The following CKAP2L variants were observed in gnomAD, a reference collection of about 807,000 sequenced individuals.
CKAP2L encodes the protein cytoskeleton-associated protein 2-like.
A neutral mutation model predicts 65.7 loss-of-function variants in CKAP2L; 42 were observed. That is an observed-to-expected ratio of 0.64 (90% CI 0.50 to 0.83). CKAP2L has a LOEUF of 0.83. Among genes scored for constraint, CKAP2L ranks in the 40% least tolerant of loss-of-function variants. The pLI is 0.00. For missense variants in CKAP2L, 908 were observed against 871.0 expected (o/e 1.04, Z -0.53); for synonymous variants, 325 against 313.5 (o/e 1.04, Z -0.39).
rs17042341 is a variant in CKAP2L, at chr2:112,756,582, T to A, written c.789A>T (p.Arg263Ser). ...TFPVKSQQLS[R>S]GADLARPGVK... ...CTCCTGGTCTTGCAAGATCTGCTCCTCTAGAGAGTTGCTGTGATTTTACTG... is the reference window on the plus strand; with the variant it reads ...CTCCTGGTCTTGCAAGATCTGCTCCACTAGAGAGTTGCTGTGATTTTACTG... Residue 263 changes from arginine to serine, a missense_variant, in exon 4 of 9, where the codon AGA becomes AGT. Arg to Ser is a moderately radical substitution (Grantham distance 110, BLOSUM62 -1). Transcript: ENST00000302450. 0.052 allele frequency: 84,074 copies of A among 1,612,376 alleles called. 3,037 individuals are homozygous for A. Among genetic ancestry groups the A allele is most frequent in the African/African-American group, 0.18 (13,542 of 74,788 alleles).
In CKAP2L at chr2:112,762,586, C is replaced by G. The variant is rs565495978; in HGVS notation, c.38-17G>C. 5 of 1,602,636 alleles carry G rather than the reference C, an allele frequency of 3.1e-6. No homozygotes were observed. The South Asian group carries it at 3.3e-5, about 11-fold the overall frequency. On this transcript the variant is annotated splice_polypyrimidine_tract_variant and intron_variant, in intron 1 of 8. Transcript: ENST00000302450. ...GCCGCTCTTCTGCAACACAGGCAAGCAAACAAACGACATAACTTTAGTTCA... is the reference window on the plus strand; with the variant it reads ...GCCGCTCTTCTGCAACACAGGCAAGGAAACAAACGACATAACTTTAGTTCA...
In CKAP2L at chr2:112,756,244, CT is replaced by C; in HGVS notation, c.1126del (p.Ser376AlafsTer6). 1 of 1,614,170 alleles carries C rather than the reference CT, an allele frequency of 6.2e-7. No individual in the cohort carries two copies. The highest frequency in any genetic ancestry group is 1.3e-5 in the African/African-American group (1 of 75,050). On this transcript the variant is annotated frameshift_variant, in exon 4 of 9. Coordinates refer to ENST00000302450, the MANE Select transcript of CKAP2L (RefSeq NM_152515.5). LOFTEE classifies it high-confidence loss of function. ...GCCAACTGTCAAATTAGGCCTCTGG[CT>C]TATGGCTTTTGACTTTTGCAGTACA... ...SCVLQKSKAI[S>X]QRPNLTVGRF...
chr2:112,744,536 T>C (rs1680139002), intron 6 of CKAP2L, among the ~76,000 whole-genome samples: 2 of 152,194 alleles, frequency 1.3e-5, no homozygotes, highest in South Asian at 4.1e-4. Flanking sequence ...AAACTGGGAA[T>C]GTATTCTGCA....
chr2:112,763,067 TA>T (rs1680778048), intron 1 of CKAP2L, among the ~76,000 whole-genome samples: 1 of 150,848 alleles, frequency 6.6e-6, no homozygotes, highest in African/African-American at 2.5e-5. Context: ...ATTACAGGCG[TA>T]AGTCAAAGCA....
rs757551001 is a variant in CKAP2L at position 112,756,411 on chromosome 2, T to C, written c.960A>G (p.Ser320=). Residue 320 remains serine, a synonymous_variant, in exon 4 of 9, where the codon TCA becomes TCG. Transcript: ENST00000302450. ...TCACTCTCTGTTCAGTAACAGGGTA[T>C]GACCGTATCTTAGTTTCATTTGGTC... The part of the protein sequence containing the change: ...YERPNETKIR[S]YPVTEQRVKH... The C allele has an allele frequency of 4.6e-5, 75 of 1,614,002 alleles. No homozygotes were observed. The South Asian group carries it at 7.0e-4, about 15-fold the overall frequency.
In CKAP2L at chr2:112,757,096, T is replaced by C; in HGVS notation, c.275A>G (p.Lys92Arg). The C allele has an allele frequency of 6.2e-7, 1 of 1,614,176 alleles. No individual in the cohort carries two copies. The highest frequency in any genetic ancestry group is 8.5e-7 in the Non-Finnish European group (1 of 1,180,028). Reference protein sequence around the residue: ...PPNTAGSQKPKLEPPKLLGKR... With the variant: ...PPNTAGSQKPRLEPPKLLGKR... ...GCCCAGAAGTTTTGGTGGCTCCAAC[T>C]TCGGCTTCTGGGACCCTGCAGTATT... The change falls in exon 4 of 9, where the codon AAG (lysine) becomes AGG (arginine). Residue 92 changes from lysine (K) to arginine (R), a missense_variant. By Grantham distance (26) the Lys-to-Arg change is conservative (BLOSUM62 2). Coordinates refer to ENST00000302450, the MANE Select transcript of CKAP2L (RefSeq NM_152515.5).
intron 5 of CKAP2L, among the ~76,000 whole-genome samples, chr2:112,746,872 C>T (rs1680218065): frequency 6.6e-6 from 1 of 151,936 alleles, no homozygotes. Context: ...ACTGCAACCT[C>T]CACCTCCCAG....
At position 112,760,768 on chromosome 2, in the gene CKAP2L, T is replaced by A. The variant is rs1474729331; in HGVS notation, c.105-4A>T. ...ATTCTTGGATTTTAGATAAGGCCTA[T>A]AAAAGACAAATTAAAATTAATCCTC... is the stretch of plus-strand genomic sequence containing the variant. On this transcript the variant is annotated splice_region_variant and splice_polypyrimidine_tract_variant and intron_variant, in intron 2 of 8. Coordinates refer to ENST00000302450, the MANE Select transcript of CKAP2L (RefSeq NM_152515.5). The A allele has an allele frequency of 6.8e-7, 1 of 1,461,180 alleles. No homozygotes were observed. 90.5% of individuals were successfully genotyped at this position (1,461,180 alleles called of 1,614,324 possible).
chr2:112,757,100 G>C lies in CKAP2L; in HGVS notation c.271C>G (p.Pro91Ala). 2 of 1,614,150 alleles carry C rather than the reference G, an allele frequency of 1.2e-6. No homozygotes were observed. Among genetic ancestry groups the C allele is most frequent in the Non-Finnish European group, 1.7e-6 (2 of 1,180,022 alleles). ...AGAAGTTTTGGTGGCTCCAACTTCGGCTTCTGGGACCCTGCAGTATTAGGT... is the reference window on the plus strand; with the variant it reads ...AGAAGTTTTGGTGGCTCCAACTTCGCCTTCTGGGACCCTGCAGTATTAGGT... Reference protein sequence around the residue: ...RPPNTAGSQKPKLEPPKLLGK... With the variant: ...RPPNTAGSQKAKLEPPKLLGK... Residue 91 changes from proline to alanine, a missense_variant, in exon 4 of 9, where the codon CCG becomes GCG. Transcript: ENST00000302450.
chr2:112,758,985 A>C (rs960313139), intron 3 of CKAP2L, among the ~76,000 whole-genome samples: 9 of 152,224 alleles, frequency 5.9e-5, no homozygotes, highest in African/African-American at 2.2e-4. Flanking sequence ...TGTGTCATAT[A>C]AATGGAATCA....
At chr2:112,758,573 G>A (rs1008204430) in intron 3 of CKAP2L, among the ~76,000 whole-genome samples, 4 of 152,040 alleles carry the variant, frequency 2.6e-5, no homozygotes, top group African/African-American at 9.7e-5. Context: ...AGAGATGGAT[G>A]GTATACCCAC....
chr2:112,762,893 C>G (rs1204077421), intron 1 of CKAP2L, among the ~76,000 whole-genome samples: 1 of 151,896 alleles, frequency 6.6e-6, no homozygotes, highest in Non-Finnish European at 1.5e-5. Context: ...TAGCAATCCT[C>G]ACACCTCAGT....
At chr2:112,752,218 A>T (rs1680390702) in intron 5 of CKAP2L, 49 bp downstream of exon 5, 1 of 1,379,958 alleles carries the variant, frequency 7.2e-7, no homozygotes, top group Non-Finnish European at 1.0e-6. Context: ...ATGTTTAAAA[A>T]TTATAAGACT....
chr2:112,742,189 A>G (rs766356313), intron 7 of CKAP2L, among the ~76,000 whole-genome samples: 3 of 152,190 alleles, frequency 2.0e-5, no homozygotes, highest in Non-Finnish European at 2.9e-5. Flanking sequence ...TTCCATTCAT[A>G]TAACAAGTAT....
chr2:112,742,301 G>C, intron 7 of CKAP2L: 1 of 697,916 alleles, frequency 1.4e-6, no homozygotes, highest in Non-Finnish European at 2.7e-6. Context: ...TCCAATTGAA[G>C]AGATTCCTGA....
In CKAP2L at chr2:112,740,935, G is replaced by A; in HGVS notation, c.1895C>T (p.Ser632Phe). ...TTTTGGAGAAAGACAAGACTTCACA[G>A]ATTCCATCTTCTTGGCCAGCTCTTC... ...SVEELAKKME[S>F]VKSCLSPKER... is the part of the protein sequence containing the mutation. Residue 632 changes from serine to phenylalanine, a missense_variant, in exon 8 of 9, where the codon TCT becomes TTT. Ser to Phe is a radical substitution (Grantham distance 155). Transcript: ENST00000302450. The A allele has an allele frequency of 6.2e-7, 1 of 1,613,908 alleles. No individual in the cohort carries two copies. Among genetic ancestry groups the A allele is most frequent in the Middle Eastern group, 1.6e-4 (1 of 6,062 alleles).
At chr2:112,751,688 G>A (rs1680377174) in intron 5 of CKAP2L, among the ~76,000 whole-genome samples, 1 of 152,182 alleles carries the variant, frequency 6.6e-6, no homozygotes, top group African/African-American at 2.4e-5. Flanking sequence ...GACTGAATGA[G>A]TTTTGCTCTA....
rs779233001 is a variant in CKAP2L, at chr2:112,756,688, C to T, written c.683G>A (p.Gly228Asp). Residue 228 changes from glycine (G) to aspartate (D), a missense_variant, in exon 4 of 9, where the codon GGC (glycine) becomes GAC (aspartate). Physicochemically the swap from Gly to Asp is moderately conservative, Grantham distance 94 (BLOSUM62 -1). Transcript: ENST00000302450. ...KNSLVPKQAL[G>D]KSSVNSAVLK... ...AACAGCACTATTAACTGAACTTTTG[C>T]CCAAGGCTTGTTTAGGAACTAAACT... 1 of 1,592,914 alleles carries T rather than the reference C, an allele frequency of 6.3e-7. No individual in the cohort carries two copies. Among genetic ancestry groups the T allele is most frequent in the Non-Finnish European group, 8.5e-7 (1 of 1,172,502 alleles).
intron 6 of CKAP2L, 148 bp downstream of exon 6, chr2:112,746,272 A>T (rs1393829431): frequency 1.1e-5 from 6 of 528,814 alleles, no homozygotes; most frequent in Non-Finnish European, 1.9e-5. Flanking sequence ...TGGGTTTAAT[A>T]TATTTTTAAG....
Sources: gnomAD v4.1 joint callset for allele counts (sites outside exome capture counted in the v4.1 genomes callset) on GRCh38, gnomAD v4.1.1 for gene constraint, MANE v1.5 for transcripts, NCBI Gene and HGNC (gene_info 2026-07-23, HGNC 2026-07-21) for gene names.